The following RBFOX1 variants were observed in gnomAD, a reference collection of about 807,000 sequenced individuals.
The protein encoded by RBFOX1 is RNA binding protein fox-1 homolog 1.
In RBFOX1, 8 loss-of-function variants were observed where a neutral mutation model predicts 57.7. The observed-to-expected ratio is 0.14, with a 90% CI of 0.08 to 0.25. The LOEUF is 0.25. Among genes scored for constraint, RBFOX1 ranks in the 10% least tolerant of loss-of-function variants. The probability of loss-of-function intolerance (pLI) is 1.00; values close to 1 mark genes in which losing one functional copy is unlikely to be tolerated. For synonymous variants in RBFOX1, 326 were observed against 222.4 expected (o/e 1.47, Z -4.15); for missense variants, 611 against 548.5 (o/e 1.11, Z -1.14).
At chr16:7,696,087 A>C (rs2078717848) in intron 14 of RBFOX1, among the ~76,000 whole-genome samples, 1 of 152,214 alleles carries the variant, frequency 6.6e-6, no homozygotes, top group Non-Finnish European at 1.5e-5. Flanking sequence ...GTGCCAACAC[A>C]TCTGGTCTGC....
chr16:7,362,969 T>G (rs891689814), intron 4 of RBFOX1, among the ~76,000 whole-genome samples: 1 of 152,144 alleles, frequency 6.6e-6, no homozygotes, highest in Admixed American at 6.5e-5. Flanking sequence ...CTCTGAGCTT[T>G]TGTTTCCTAA....
intron 3 of RBFOX1, among the ~76,000 whole-genome samples, chr16:5,785,081 C>T (rs2054454544): frequency 6.6e-6 from 1 of 152,112 alleles, no homozygotes; most frequent in South Asian, 2.1e-4. Flanking sequence ...TGGTGTCACA[C>T]ATACATAAAG....
intron 3 of RBFOX1, among the ~76,000 whole-genome samples, chr16:6,700,914 C>G (rs987445183): frequency 6.6e-6 from 1 of 152,082 alleles, no homozygotes; most frequent in Non-Finnish European, 1.5e-5. Context: ...GTCACGTCCT[C>G]GGACTACTTA....
chr16:6,432,623 A>G (rs2094131430), intron 2 of RBFOX1, among the ~76,000 whole-genome samples: 1 of 152,036 alleles, frequency 6.6e-6, no homozygotes, highest in African/African-American at 2.4e-5. Flanking sequence ...CGGAGGTTGC[A>G]GTGAGCCGAG....
intron 3 of RBFOX1, among the ~76,000 whole-genome samples, chr16:7,038,552 C>T (rs915228470): frequency 3.9e-5 from 6 of 152,144 alleles, no homozygotes; most frequent in African/African-American, 4.8e-5. Flanking sequence ...GATGCCAAGA[C>T]ATTTCGTGGT....
rs546853070 is a variant in RBFOX1, at chr16:6,232,910, G to A, written c.-126-84085G>A. Among the ~76,000 whole-genome samples, 4 of 152,276 alleles carry A rather than the reference G, an allele frequency of 2.6e-5. No individual in the cohort carries two copies. In the East Asian group the frequency reaches 7.7e-4, roughly 29 times the overall value. On this transcript the variant is annotated intron_variant, in intron 1 of 15. Coordinates refer to ENST00000550418, the MANE Select transcript of RBFOX1 (RefSeq NM_018723.4). Reference sequence around the variant, plus strand: ...ACATGTCCAGTCTCTTCTGTGAGATGTGGACAGCGTCAGTGCCAGCATAAG... The same window carrying A: ...ACATGTCCAGTCTCTTCTGTGAGATATGGACAGCGTCAGTGCCAGCATAAG...
chr16:6,978,881 A>T (rs943010653), intron 3 of RBFOX1, among the ~76,000 whole-genome samples: 1 of 152,126 alleles, frequency 6.6e-6, no homozygotes, highest in African/African-American at 2.4e-5. Context: ...TGCCCTGATG[A>T]TGCTTTCGGA....
intron 3 of RBFOX1, among the ~76,000 whole-genome samples, chr16:6,813,119 C>T (rs764981235): frequency 1.3e-5 from 2 of 150,504 alleles, no homozygotes; most frequent in Non-Finnish European, 3.0e-5. Flanking sequence ...AAAAAAAGTG[C>T]AACCTAAGTT....
chr16:6,862,233 A>G (rs930369199), intron 3 of RBFOX1, among the ~76,000 whole-genome samples: 1 of 152,132 alleles, frequency 6.6e-6, no homozygotes, highest in African/African-American at 2.4e-5. Context: ...GAGTTATTGC[A>G]CATAAGAAAC....
intron 4 of RBFOX1, among the ~76,000 whole-genome samples, chr16:7,438,581 A>G (rs1413877228): frequency 6.6e-6 from 1 of 152,156 alleles, no homozygotes; most frequent in Non-Finnish European, 1.5e-5. Context: ...ACCTCTCTGA[A>G]TCCCAAACTT....
At chr16:6,411,081 C>G (rs537545779) in intron 2 of RBFOX1, among the ~76,000 whole-genome samples, 28 of 152,318 alleles carry the variant, frequency 1.8e-4, no homozygotes, top group Non-Finnish European at 3.8e-4. Context: ...TTCCCCTACT[C>G]TGAAAACCAA....
chr16:7,019,438 G>A (rs570067931), intron 3 of RBFOX1, among the ~76,000 whole-genome samples: 88 of 152,248 alleles, frequency 5.8e-4, no homozygotes, highest in African/African-American at 2.0e-3. Flanking sequence ...GTGCATTCAT[G>A]CTGTTGTAGG....
intron 2 of RBFOX1, among the ~76,000 whole-genome samples, chr16:6,344,249 C>T (rs975018508): frequency 1.3e-4 from 19 of 151,998 alleles, no homozygotes; most frequent in African/African-American, 3.4e-4. Context: ...CGGGGTTTCA[C>T]CATGTTGGCC....
chr16:5,363,780 A>G (rs931483730), intron 1 of RBFOX1, among the ~76,000 whole-genome samples: 6 of 152,206 alleles, frequency 3.9e-5, no homozygotes, highest in African/African-American at 1.4e-4. Flanking sequence ...TACCAGGGCC[A>G]GAAGGGTCAG....
chr16:7,659,551 T>G (rs983924406), intron 12 of RBFOX1, among the ~76,000 whole-genome samples: 1 of 151,690 alleles, frequency 6.6e-6, no homozygotes, highest in Non-Finnish European at 1.5e-5. Flanking sequence ...GGACCACACA[T>G]AAAGTACACA....
chr16:5,320,579 C>T (rs897509641), intron 1 of RBFOX1, among the ~76,000 whole-genome samples: 2 of 152,252 alleles, frequency 1.3e-5, no homozygotes, highest in Non-Finnish European at 1.5e-5. Context: ...GCTGCCTGAT[C>T]TGTGCAATGC....
intron 1 of RBFOX1, among the ~76,000 whole-genome samples, chr16:5,340,361 G>T (rs2065006569): frequency 6.6e-6 from 1 of 152,180 alleles, no homozygotes; most frequent in Non-Finnish European, 1.5e-5. Context: ...TAATGATACT[G>T]CTTTAAGTAT....
intron 3 of RBFOX1, chr16:6,704,526 C>G (rs1009327375): frequency 6.6e-6 from 1 of 152,252 alleles, no homozygotes; most frequent in African/African-American, 2.4e-5. Flanking sequence ...ATTCTACACC[C>G]CCCTTGGGTC....
At chr16:5,709,666 G>T (rs1394223502) in intron 3 of RBFOX1, among the ~76,000 whole-genome samples, 4 of 149,488 alleles carry the variant, frequency 2.7e-5, no homozygotes, top group African/African-American at 9.9e-5. Context: ...GGATAATATT[G>T]TCTTTTTCAT....
Sources: gnomAD v4.1 joint callset for allele counts (sites outside exome capture counted in the v4.1 genomes callset) on GRCh38, gnomAD v4.1.1 for gene constraint, MANE v1.5 for transcripts, NCBI Gene and HGNC (gene_info 2026-07-23, HGNC 2026-07-21) for gene names.